The following FREM3 variants were observed in gnomAD, a reference collection of about 807,000 sequenced individuals.
FREM3 encodes FRAS1 related extracellular matrix 3.
A neutral mutation model predicts 129.1 loss-of-function variants in FREM3; 105 were observed. The ratio of observed to expected loss-of-function variants is 0.81; its 90% CI spans 0.69 to 0.96. FREM3 has a LOEUF of 0.96. FREM3 is among the 40% of genes least tolerant of loss of function. FREM3 has a pLI of 0.00. For missense variants in FREM3, 2,593 were observed against 2,666.3 expected, an observed-to-expected ratio of 0.97 and a Z score of 0.61; for synonymous variants, 1,014 against 1,044.9, an observed-to-expected ratio of 0.97 and a Z score of 0.57.
chr4:143,586,150 A>G (rs1360640378), intron 6 of FREM3, among the ~76,000 whole-genome samples, 157 bp from the exon 7 acceptor site: 1 of 152,240 alleles, frequency 6.6e-6, no homozygotes, highest in Non-Finnish European at 1.5e-5. Flanking sequence ...AACAAAAACA[A>G]AAACACACAA....
At chr4:143,621,725 C>T (rs994937025) in intron 4 of FREM3, among the ~76,000 whole-genome samples, 2 of 151,968 alleles carry the variant, frequency 1.3e-5, no homozygotes, top group East Asian at 1.9e-4. Flanking sequence ...TGTGCACACA[C>T]GTTTGTGTGT....
intron 5 of FREM3, among the ~76,000 whole-genome samples, chr4:143,613,229 TTGA>T (rs1738792020): frequency 6.6e-6 from 1 of 152,080 alleles, no homozygotes; most frequent in Non-Finnish European, 1.5e-5. Flanking sequence ...AGCTGGAGAG[TTGA>T]TGAGAACAAA....
intron 2 of FREM3, among the ~76,000 whole-genome samples, chr4:143,657,363 A>T (rs1158290039): frequency 6.6e-6 from 1 of 152,230 alleles, no homozygotes; most frequent in African/African-American, 2.4e-5. Context: ...CATGCTGAAT[A>T]TTCAATAGAA....
Position 143,594,710 on chromosome 4 carries a change from C to G in FREM3, c.6029-8717G>C, listed in dbSNP as rs191444814. On this transcript the variant is annotated intron_variant, in intron 6 of 7. Transcript: ENST00000329798. ...GTCAGAACTCAAGCCTCTGAATACA[C>G]TAAGATATAAGACATGAGAGGAGGG... 1.3e-3 allele frequency among the ~76,000 whole-genome samples: 201 copies of G among 152,244 alleles called. 2 individuals carry two copies. Among genetic ancestry groups the G allele is most frequent in the African/African-American group, 4.5e-3 (187 of 41,526 alleles).
At chr4:143,619,061 G>C (rs532146963) in intron 5 of FREM3, among the ~76,000 whole-genome samples, 1 of 152,252 alleles carries the variant, frequency 6.6e-6, no homozygotes, top group African/African-American at 2.4e-5. Flanking sequence ...CAGGAACTAG[G>C]GGGCAGCTCT....
At chr4:143,583,822 A>T (rs988103360) in intron 7 of FREM3, among the ~76,000 whole-genome samples, 3 of 152,232 alleles carry the variant, frequency 2.0e-5, no homozygotes, top group African/African-American at 7.2e-5. Context: ...CTAAATATGG[A>T]AATGAAAGAC....
chr4:143,606,275 T>C (rs767040536), intron 6 of FREM3, among the ~76,000 whole-genome samples: 1 of 152,172 alleles, frequency 6.6e-6, no homozygotes, highest in East Asian at 1.9e-4. Flanking sequence ...CTCCAAATTA[T>C]CTACTTTTTG....
chr4:143,663,705 A>G (rs1198089291), intron 2 of FREM3, among the ~76,000 whole-genome samples: 1 of 152,110 alleles, frequency 6.6e-6, no homozygotes, highest in Admixed American at 6.6e-5. Context: ...CATTCTACCC[A>G]TCACTTTCAG....
intron 1 of FREM3, 94 bp downstream of exon 1, chr4:143,695,397 A>T (rs1240833596): frequency 1.9e-6 from 2 of 1,080,384 alleles, no homozygotes; most frequent in Non-Finnish European, 2.6e-6. Flanking sequence ...ATCTTACTGC[A>T]AATGGCTGAG....
intron 6 of FREM3, among the ~76,000 whole-genome samples, chr4:143,593,456 C>CAT (rs1738404115): frequency 1.3e-4 from 20 of 150,570 alleles, no homozygotes; most frequent in Non-Finnish European, 1.5e-5. Context: ...TTCTAACAGT[C>CAT]AGGACCCTCA....
At chr4:143,581,048 G>A (rs1388902655) in intron 7 of FREM3, among the ~76,000 whole-genome samples, 3 of 152,176 alleles carry the variant, frequency 2.0e-5, no homozygotes, top group Non-Finnish European at 4.4e-5. Flanking sequence ...CACAACCCCA[G>A]CTCCTGCTGC....
intron 2 of FREM3, chr4:143,649,088 C>T (rs1256174729): frequency 2.0e-5 from 3 of 152,106 alleles, no homozygotes; most frequent in Non-Finnish European, 4.4e-5. Flanking sequence ...ACTGAAATTC[C>T]ATGGCTTAAA....
intron 6 of FREM3, among the ~76,000 whole-genome samples, chr4:143,597,573 G>A (rs543280788): frequency 1.3e-5 from 2 of 152,192 alleles, no homozygotes; most frequent in East Asian, 3.9e-4. Flanking sequence ...CAGTACAGTT[G>A]CAAAATACAA....
intron 6 of FREM3, among the ~76,000 whole-genome samples, chr4:143,594,271 C>G (rs535164715): frequency 5.3e-5 from 8 of 152,296 alleles, no homozygotes; most frequent in African/African-American, 1.9e-4. Context: ...GTAAGATGAA[C>G]CTGGTACCTC....
At chr4:143,620,652 C>G (rs1002398148) in intron 5 of FREM3, among the ~76,000 whole-genome samples, 7 of 152,038 alleles carry the variant, frequency 4.6e-5, no homozygotes, top group Admixed American at 2.6e-4. Context: ...ACAATATTGC[C>G]CAGAGGCAAT....
At chr4:143,621,806 G>T (rs570767270) in intron 4 of FREM3, among the ~76,000 whole-genome samples, 55 of 152,226 alleles carry the variant, frequency 3.6e-4, no homozygotes, top group African/African-American at 1.3e-3. Context: ...TATGAATATT[G>T]GTCATGTCTT....
chr4:143,673,085 C>T (rs1740030876), intron 2 of FREM3, among the ~76,000 whole-genome samples: 1 of 152,222 alleles, frequency 6.6e-6, no homozygotes, highest in African/African-American at 2.4e-5. Flanking sequence ...GCCTTCTTCT[C>T]TCAACTCGTC....
At chr4:143,638,485 A>C (rs568501519) in intron 2 of FREM3, among the ~76,000 whole-genome samples, 1 of 152,266 alleles carries the variant, frequency 6.6e-6, no homozygotes, top group Admixed American at 6.5e-5. Flanking sequence ...AATATAATGT[A>C]ATATGATATA....
At chr4:143,676,444 G>T (rs1461001450) in intron 2 of FREM3, among the ~76,000 whole-genome samples, 1 of 152,156 alleles carries the variant, frequency 6.6e-6, no homozygotes, top group Non-Finnish European at 1.5e-5. Context: ...CATACTGAAT[G>T]GGCAAAAACT....
Sources: allele counts gnomAD v4.1 joint callset (sites outside exome capture counted in the v4.1 genomes callset), GRCh38; gene constraint gnomAD v4.1.1; transcripts MANE v1.5; gene names NCBI Gene and HGNC (gene_info 2026-07-23, HGNC 2026-07-21).